AGBL1: variants seen among roughly 807,000 people sequenced by gnomAD.
AGBL1 encodes cytosolic carboxypeptidase 4.
A neutral mutation model predicts 118.9 loss-of-function variants in AGBL1; 130 were observed. That is an observed-to-expected ratio of 1.09 (90% CI 0.95 to 1.26). The LOEUF (loss-of-function observed/expected upper bound fraction) is 1.26. Ranked by LOEUF, AGBL1 falls within the 50% of genes most tolerant of loss-of-function variation. AGBL1 has a pLI of 0.00. For synonymous variants in AGBL1, 555 were observed against 478.9 expected (o/e 1.16, Z -2.08); for missense variants, 1,584 against 1,298.1 (o/e 1.22, Z -3.38).
intron 22 of AGBL1, among the ~76,000 whole-genome samples, chr15:86,810,956 G>T (rs973263064): frequency 2.5e-4 from 38 of 152,202 alleles, no homozygotes; most frequent in African/African-American, 8.4e-4. Context: ...GCTTCACTTT[G>T]CCAACAGTCC....
chr15:86,651,075 A>G (rs1340410137), intron 21 of AGBL1, among the ~76,000 whole-genome samples: 1 of 152,202 alleles, frequency 6.6e-6, no homozygotes, highest in Non-Finnish European at 1.5e-5. Flanking sequence ...TATGTTTCCT[A>G]TATTCCCCCA....
intron 18 of AGBL1, among the ~76,000 whole-genome samples, chr15:86,461,937 G>A (rs1452540988): frequency 4.6e-5 from 7 of 152,108 alleles, no homozygotes; most frequent in African/African-American, 1.4e-4. Flanking sequence ...TGCAACATCC[G>A]TTGCTTCAAA....
chr15:86,143,648 G>C, intron 2 of AGBL1, 51 bp from the exon 3 acceptor site: 5 of 1,596,914 alleles, frequency 3.1e-6, no homozygotes, highest in Non-Finnish European at 4.3e-6. Flanking sequence ...CTGCTCCAAG[G>C]AAAATGGGGA....
At chr15:86,667,807 T>C (rs569345882) in intron 21 of AGBL1, among the ~76,000 whole-genome samples, 1 of 152,350 alleles carries the variant, frequency 6.6e-6, no homozygotes, top group South Asian at 2.1e-4. Flanking sequence ...CCTATTTATA[T>C]GTTTAGCTCA....
rs374503602 is a variant in AGBL1, at chr15:86,289,305, T to C, written c.2221-5950T>C. Among the ~76,000 whole-genome samples the C allele has an allele frequency of 2.6e-5, 4 of 152,186 alleles. No individual in the cohort carries two copies. The East Asian group carries it at 5.8e-4, about 22-fold the overall frequency. On this transcript the variant is annotated intron_variant, in intron 16 of 22. Coordinates refer to ENST00000614907, the MANE Select transcript of AGBL1 (RefSeq NM_001386094.1). The stretch of plus-strand genomic sequence containing the variant: ...ACCGCTGTTGTCTCTTTTTCTTTTT[T>C]TCTTATGCAATGTGGACCATCATTT...
intron 18 of AGBL1, among the ~76,000 whole-genome samples, chr15:86,406,875 T>G (rs571017917): frequency 6.6e-5 from 10 of 152,318 alleles, no homozygotes; most frequent in African/African-American, 2.2e-4. Context: ...TGTAAACAAT[T>G]CTTCATTATA....
chr15:86,665,494 C>T (rs2085628855), intron 21 of AGBL1, among the ~76,000 whole-genome samples: 1 of 152,048 alleles, frequency 6.6e-6, no homozygotes, highest in Admixed American at 6.6e-5. Flanking sequence ...TATTAATTTG[C>T]ATTTTATATC....
At chr15:86,862,685 A>C (rs922067224) in intron 22 of AGBL1, among the ~76,000 whole-genome samples, 1 of 152,202 alleles carries the variant, frequency 6.6e-6, no homozygotes, top group African/African-American at 2.4e-5. Context: ...GCGCCATTGC[A>C]CTCCAGCCTG....
intron 22 of AGBL1, among the ~76,000 whole-genome samples, chr15:86,812,929 AT>A (rs576829322): frequency 0.015 from 2,179 of 149,000 alleles, 57 homozygotes; most frequent in African/African-American, 0.047. Flanking sequence ...TAAAGGAGAG[AT>A]TTTTTTTTTT....
chr15:86,933,537 A>C (rs941017976), intron 23 of AGBL1, among the ~76,000 whole-genome samples: 1 of 152,184 alleles, frequency 6.6e-6, no homozygotes, highest in East Asian at 1.9e-4. Context: ...GATCAACTCC[A>C]GTTATCCTGT....
chr15:86,729,231 A>C (rs766418128), intron 22 of AGBL1, among the ~76,000 whole-genome samples: 2 of 152,092 alleles, frequency 1.3e-5, no homozygotes, highest in Admixed American at 6.5e-5. Flanking sequence ...TTTAACTGAA[A>C]AATAGCTCAA....
intron 1 of AGBL1, among the ~76,000 whole-genome samples, chr15:86,091,399 A>G (rs767059887): frequency 6.6e-6 from 1 of 152,188 alleles, no homozygotes; most frequent in Non-Finnish European, 1.5e-5. Flanking sequence ...GTGGTGACCA[A>G]CTGAGGACAC....
intron 22 of AGBL1, among the ~76,000 whole-genome samples, chr15:86,700,405 G>A (rs1156270055): frequency 1.3e-5 from 2 of 151,044 alleles, no homozygotes; most frequent in Admixed American, 6.6e-5. Context: ...TGGTCCTTTT[G>A]TGAAGTTAGT....
intron 23 of AGBL1, among the ~76,000 whole-genome samples, chr15:86,953,301 G>T (rs549079184): frequency 6.6e-6 from 1 of 151,866 alleles, no homozygotes; most frequent in Non-Finnish European, 1.5e-5. Context: ...CACAAGCAAG[G>T]TATATTTTTT....
intron 22 of AGBL1, among the ~76,000 whole-genome samples, chr15:86,715,259 T>A (rs183897039): frequency 1.2e-4 from 18 of 152,296 alleles, no homozygotes; most frequent in Admixed American, 1.1e-3. Flanking sequence ...CCTATGTACC[T>A]GTTATTGTTG....
intron 5 of AGBL1, among the ~76,000 whole-genome samples, chr15:86,174,367 A>G (rs2077454172): frequency 6.6e-6 from 1 of 151,982 alleles, no homozygotes; most frequent in African/African-American, 2.4e-5. Context: ...GTTTTTCTAA[A>G]TATAATAAGA....
At chr15:86,645,623 T>C (rs1328850453) in intron 21 of AGBL1, among the ~76,000 whole-genome samples, 2 of 152,028 alleles carry the variant, frequency 1.3e-5, no homozygotes, top group East Asian at 3.9e-4. Context: ...TGACTGACAG[T>C]TGAGAAAGGT....
intron 21 of AGBL1, among the ~76,000 whole-genome samples, chr15:86,612,135 C>T (rs2447266): frequency 0.48 from 73,509 of 151,816 alleles, 17,815 homozygotes; most frequent in East Asian, 0.6. Context: ...GTGCTCTTCA[C>T]TTTTTGGGAG....
At chr15:86,391,177 G>T (rs2081277354) in intron 17 of AGBL1, among the ~76,000 whole-genome samples, 1 of 151,926 alleles carries the variant, frequency 6.6e-6, no homozygotes, top group South Asian at 2.1e-4. Flanking sequence ...AAAATTTATT[G>T]ACTTGTAACA....
Sources: gnomAD v4.1 joint callset for allele counts (sites outside exome capture counted in the v4.1 genomes callset) on GRCh38, gnomAD v4.1.1 for gene constraint, MANE v1.5 for transcripts, NCBI Gene and HGNC (gene_info 2026-07-23, HGNC 2026-07-21) for gene names.